SKIC3: variants seen among roughly 807,000 people sequenced by gnomAD.
SKIC3 encodes the protein superkiller complex protein 3.
At chr5:95,521,166 T>C in the SKIC3 span, among the ~76,000 whole-genome samples, 1 of 152,078 alleles carries the variant, frequency 6.6e-6, no homozygotes, top group African/African-American at 2.4e-5. Context: ...TTATTAACTA[T>C]TGTGAAACAA....
chr5:95,535,949 T>C, the SKIC3 span, among the ~76,000 whole-genome samples: 4 of 152,186 alleles, frequency 2.6e-5, no homozygotes, highest in African/African-American at 9.7e-5. Context: ...TGTGAATTTG[T>C]TCACCTCAAG....
the SKIC3 span, among the ~76,000 whole-genome samples, chr5:95,528,438 A>G: frequency 6.6e-6 from 1 of 152,226 alleles, no homozygotes; most frequent in African/African-American, 2.4e-5. Flanking sequence ...TATTTGCTAA[A>G]CAATAAAGGT....
At chr5:95,522,733 T>C in the SKIC3 span, among the ~76,000 whole-genome samples, 1 of 152,246 alleles carries the variant, frequency 6.6e-6, no homozygotes, top group African/African-American at 2.4e-5. Context: ...TCCGTGAAAA[T>C]GCCTGTACTC....
chr5:95,498,782 G>C, the SKIC3 span, among the ~76,000 whole-genome samples: 1 of 151,988 alleles, frequency 6.6e-6, no homozygotes, highest in Non-Finnish European at 1.5e-5. Flanking sequence ...CCCGCCATCA[G>C]GCCCGGCTAA....
chr5:95,525,644 A>C, the SKIC3 span: 6 of 1,614,086 alleles, frequency 3.7e-6, no homozygotes, highest in Non-Finnish European at 5.1e-6. Context: ...TGAGAACCAA[A>C]AGTCCTGGGA....
the SKIC3 span, among the ~76,000 whole-genome samples, chr5:95,481,137 TAC>T: frequency 6.6e-6 from 1 of 151,984 alleles, no homozygotes; most frequent in Non-Finnish European, 1.5e-5. Flanking sequence ...AACACACACA[TAC>T]ACACACACAT....
chr5:95,481,183 T>A, the SKIC3 span, among the ~76,000 whole-genome samples: 1 of 152,140 alleles, frequency 6.6e-6, no homozygotes, highest in African/African-American at 2.4e-5. Context: ...TTGATATGGT[T>A]TGGCTGTGTC....
the SKIC3 span, chr5:95,503,033 C>G: frequency 1.9e-6 from 3 of 1,612,782 alleles, no homozygotes; most frequent in Non-Finnish European, 2.5e-6. Flanking sequence ...ACAAACAAAA[C>G]AATATAAAAG....
the SKIC3 span, chr5:95,543,230 T>G: frequency 6.2e-7 from 1 of 1,614,118 alleles, no homozygotes; most frequent in Non-Finnish European, 8.5e-7. Context: ...AGCTTTTTTA[T>G]AGGCACTCTG....
chr5:95,535,349 CGCCCAGGCCGGAGTGCAGTG>C, the SKIC3 span, among the ~76,000 whole-genome samples: 1 of 116,156 alleles, frequency 8.6e-6, no homozygotes, highest in East Asian at 2.4e-4. Context: ...CTCGCTCTTT[CGCCCAGGCCGGAGTGCAGTG>C]GCGCTATCTC....
chr5:95,511,881 C>T, the SKIC3 span, among the ~76,000 whole-genome samples: 4 of 152,144 alleles, frequency 2.6e-5, no homozygotes, highest in South Asian at 8.3e-4. Flanking sequence ...AGATTAAAAC[C>T]CAATGGTAGT....
chr5:95,467,358 A>G, the SKIC3 span, among the ~76,000 whole-genome samples: 1 of 152,224 alleles, frequency 6.6e-6, no homozygotes, highest in Non-Finnish European at 1.5e-5. Flanking sequence ...CTAATTACTT[A>G]CAACATGCTT....
the SKIC3 span, among the ~76,000 whole-genome samples, chr5:95,465,292 A>C: frequency 6.6e-6 from 1 of 152,160 alleles, no homozygotes; most frequent in South Asian, 2.1e-4. Flanking sequence ...TTTGTTAATA[A>C]TACTGTCACC....
At chr5:95,484,442 G>T in the SKIC3 span, among the ~76,000 whole-genome samples, 2 of 150,666 alleles carry the variant, frequency 1.3e-5, no homozygotes, top group African/African-American at 4.9e-5. Context: ...AAATTCCTGG[G>T]CTCAAGCAAT....
the SKIC3 span, chr5:95,522,295 T>C: frequency 6.2e-7 from 1 of 1,613,502 alleles, no homozygotes; most frequent in Non-Finnish European, 8.5e-7. Context: ...CTGCTCTTAA[T>C]GCTGCCTGTA....
At chr5:95,523,398 A>G in the SKIC3 span, 2 of 1,470,478 alleles carry the variant, frequency 1.4e-6, no homozygotes, top group Admixed American at 1.8e-5. Flanking sequence ...TGTAAAGTAC[A>G]CAAACATATT....
At chr5:95,542,049 T>C in the SKIC3 span, 2 of 659,414 alleles carry the variant, frequency 3.0e-6, no homozygotes, top group Non-Finnish European at 5.1e-6. Flanking sequence ...AAATGATCTG[T>C]CTGAGATTTG....
At chr5:95,546,848 G>C in the SKIC3 span, 1 of 558,176 alleles carries the variant, frequency 1.8e-6, no homozygotes, top group East Asian at 3.2e-5. Flanking sequence ...TAAGAACTTG[G>C]TTTTGTTAAG....
At chr5:95,502,935 T>C in the SKIC3 span, 4 of 1,614,112 alleles carry the variant, frequency 2.5e-6, no homozygotes, top group African/African-American at 2.7e-5. Context: ...TATTCAGTTA[T>C]TGCCAGAGCT....
Sources: allele counts gnomAD v4.1 joint callset (sites outside exome capture counted in the v4.1 genomes callset), GRCh38; gene constraint gnomAD v4.1.1; transcripts MANE v1.5; gene names NCBI Gene and HGNC (gene_info 2026-07-23, HGNC 2026-07-21).